Variants in MCOLN3 observed in about 807,000 individuals in gnomAD.
MCOLN3 encodes mucolipin TRP cation channel 3, also known as mucolipin-3.
Under a neutral mutation model 69.4 loss-of-function variants are expected in MCOLN3, and 62 were observed. That is an observed-to-expected ratio of 0.89 (90% CI 0.73 to 1.10). MCOLN3 has a LOEUF of 1.10. Among genes scored for constraint, MCOLN3 ranks in the 50% least tolerant of loss-of-function variants. The pLI, the probability that MCOLN3 is intolerant of heterozygous loss-of-function variation, is 0.00. For synonymous variants in MCOLN3, 183 were observed against 217.0 expected, an observed-to-expected ratio of 0.84 and a Z score of 1.38; for missense variants, 564 against 656.4, an observed-to-expected ratio of 0.86 and a Z score of 1.54.
At position 85,021,065 on chromosome 1, in the gene MCOLN3, C is replaced by A. The variant is rs775451775; in HGVS notation, c.1527+5G>T. 1.3e-5 allele frequency: 21 copies of A among 1,599,978 alleles called. No homozygotes were observed. In the South Asian group the frequency reaches 2.2e-4, roughly 17 times the overall value. ...GCTACTACTTATGGCTCTTGATAAA[C>A]CTACCTTAATTGTTTCGTATGTATC... On this transcript the variant is annotated splice_donor_5th_base_variant and intron_variant, in intron 12 of 12. Transcript: ENST00000370589.
chr1:85,038,917 C>T (rs184076226), intron 3 of MCOLN3, among the ~76,000 whole-genome samples: 8 of 152,120 alleles, frequency 5.3e-5, no homozygotes, highest in East Asian at 1.9e-4. Flanking sequence ...ATTGCTTGAG[C>T]GCAGGAGGCA....
At position 85,045,680 on chromosome 1, in the gene MCOLN3, T is replaced by TA. The variant is rs1653315250; in HGVS notation, c.-2-319dup. Among the ~76,000 whole-genome samples, 3 of 152,160 alleles carry TA rather than the reference T, an allele frequency of 2.0e-5. No homozygotes were observed. The South Asian group carries it at 6.2e-4, about 32-fold the overall frequency. ...TGTTTTCTGCCTCACTCAGTATAGT[T>TA]AGAGGATCAGAGACCTGAGGACCTG... On this transcript the variant is annotated intron_variant, in intron 1 of 12. Coordinates refer to ENST00000370589, the MANE Select transcript of MCOLN3 (RefSeq NM_018298.11).
chr1:85,019,541 A>C (rs1378432122), intron 12 of MCOLN3, among the ~76,000 whole-genome samples: 2 of 152,158 alleles, frequency 1.3e-5, no homozygotes, highest in African/African-American at 4.8e-5. Flanking sequence ...TCCAGGGAGA[A>C]TTGAGCTAGC....
Position 85,019,165 on chromosome 1 carries a change from T to G in MCOLN3, c.1620A>C (p.Glu540Asp), listed in dbSNP as rs781690814. ...AGAATAAAGATACTGGAGGGTCATC[T>G]TCTAATCTGTATTTTCCAGAGTTGG... ...DLPNSGKYRL[E>D]DDPPVSLFCC... Residue 540 changes from glutamate (E) to aspartate (D), a missense_variant, in exon 13 of 13, where the codon GAA becomes GAC. Glu to Asp is a conservative substitution (Grantham distance 45). Transcript: ENST00000370589. 21 of 1,613,686 alleles carry G rather than the reference T, an allele frequency of 1.3e-5. No homozygotes were observed. The highest frequency in any genetic ancestry group is 1.7e-5 in the Non-Finnish European group (20 of 1,179,742).
intron 3 of MCOLN3, among the ~76,000 whole-genome samples, chr1:85,035,328 C>G (rs538975452): frequency 5.3e-4 from 80 of 152,312 alleles, no homozygotes; most frequent in Non-Finnish European, 1.0e-3. Flanking sequence ...TCCCATATTT[C>G]AAATACCACC....
intron 2 of MCOLN3, among the ~76,000 whole-genome samples, chr1:85,044,833 G>A (rs771166909): frequency 6.6e-6 from 1 of 152,146 alleles, no homozygotes; most frequent in African/African-American, 2.4e-5. Flanking sequence ...GGCTTATTTA[G>A]AAACCAGCTG....
In MCOLN3 at chr1:85,021,197, AT is replaced by A. The variant is rs774655852; in HGVS notation, c.1399del (p.Met467CysfsTer7). 2.5e-6 allele frequency: 4 copies of A among 1,613,910 alleles called. 1 individual carries two copies. ...GDDMFATFAK[M>X]QQKSYLVWLF... is the part of the protein sequence containing the mutation. The stretch of plus-strand genomic sequence containing the variant: ...CCAGACTAAGTAACTTTTTTGCTGC[AT>A]TTTTGCAAACGTGGCAAACATATCA... On this transcript the variant is annotated frameshift_variant, in exon 12 of 13. Transcript: ENST00000370589. LOFTEE classifies it high-confidence loss of function.
At chr1:85,020,998 A>C (rs1651897692) in intron 12 of MCOLN3, 72 bp downstream of exon 12, 1 of 1,085,614 alleles carries the variant, frequency 9.2e-7, no homozygotes, top group Non-Finnish European at 1.3e-6. Context: ...TTCTACCATT[A>C]GGTACTGAAT....
At chr1:85,019,459 GCCTA>G (rs1651816547) in intron 12 of MCOLN3, among the ~76,000 whole-genome samples, 1 of 152,146 alleles carries the variant, frequency 6.6e-6, no homozygotes, top group South Asian at 2.1e-4. Flanking sequence ...TTCTGCAGCT[GCCTA>G]CCTGAGCTCT....
In MCOLN3 at chr1:85,022,105, A is replaced by C. The variant is rs1396020580; in HGVS notation, c.1285T>G (p.Cys429Gly). 1 of 1,614,196 alleles carries C rather than the reference A, an allele frequency of 6.2e-7. No homozygotes were observed. Among genetic ancestry groups the C allele is most frequent in the East Asian group, 2.2e-5 (1 of 44,890 alleles). The change falls in exon 11 of 13, where the codon TGT (cysteine) becomes GGT (glycine). Residue 429 changes from cysteine (C) to glycine (G), a missense_variant. Cys to Gly is a radical substitution (Grantham distance 159). Transcript: ENST00000370589. ...AAMIYLGYCF[C>G]GWIVLGPYHD... ...TAAGGCCCCAGCACGATCCATCCAC[A>C]GAAGCAGTAACCTAAGTAAATCATA... is the stretch of plus-strand genomic sequence containing the variant.
Position 85,022,398 on chromosome 1 carries a change from A to G in MCOLN3, c.1098T>C (p.Ser366=). The change falls in exon 10 of 13, where the codon AGT becomes AGC. Residue 366 remains serine (S), a splice_region_variant and synonymous_variant. Coordinates refer to ENST00000370589, the MANE Select transcript of MCOLN3 (RefSeq NM_018298.11). ...TGCTACAGACATCATAACTAGTTAGACTCTAAGAGAGAGTGGAAAAATATA... is the reference window on the plus strand; with the variant it reads ...TGCTACAGACATCATAACTAGTTAGGCTCTAAGAGAGAGTGGAAAAATATA... ...SILKMEIQAK[S]LTSYDVCSIL... The G allele has an allele frequency of 5.0e-6, 8 of 1,585,000 alleles. No homozygotes were observed. Among genetic ancestry groups the G allele is most frequent in the Non-Finnish European group, 6.9e-6 (8 of 1,158,404 alleles).
intron 7 of MCOLN3, 105 bp downstream of exon 7, chr1:85,029,001 T>C: frequency 1.4e-6 from 1 of 715,370 alleles, no homozygotes; most frequent in Non-Finnish European, 2.4e-6. Context: ...TTGAAAATGG[T>C]CTAATCTTCT....
At chr1:85,042,006 C>T (rs1653094998) in intron 2 of MCOLN3, among the ~76,000 whole-genome samples, 1 of 151,962 alleles carries the variant, frequency 6.6e-6, no homozygotes, top group Admixed American at 6.6e-5. Flanking sequence ...CACACACACA[C>T]ACACCACATG....
At position 85,019,099 on chromosome 1, in the gene MCOLN3, CTA is replaced by C. The variant is rs1032069438; in HGVS notation, c.*22_*23del. ...ACTCAGCTACACATTATATTTTCCTCTAAAGTACAGATAAACCTGATAGCTAC... is the reference window on the plus strand; with the variant it reads ...ACTCAGCTACACATTATATTTTCCTCAAGTACAGATAAACCTGATAGCTAC... On this transcript the variant is annotated 3_prime_UTR_variant, in exon 13 of 13. Coordinates refer to ENST00000370589, the MANE Select transcript of MCOLN3 (RefSeq NM_018298.11). 1.9e-6 allele frequency: 3 copies of C among 1,608,132 alleles called. No homozygotes were observed. In the African/African-American group the frequency reaches 4.0e-5, roughly 22 times the overall value.
intron 6 of MCOLN3, 24 bp downstream of exon 6, chr1:85,032,672 A>G: frequency 6.4e-7 from 1 of 1,571,630 alleles, no homozygotes; most frequent in East Asian, 2.3e-5. Context: ...GACTGGAACC[A>G]AATTCAGCCT....
At chr1:85,029,036 G>T in intron 7 of MCOLN3, 70 bp downstream of exon 7, 1 of 955,218 alleles carries the variant, frequency 1.0e-6, no homozygotes, top group Non-Finnish European at 1.7e-6. Context: ...ATATCCAGAG[G>T]GTGCTATTTT....
intron 7 of MCOLN3, 81 bp downstream of exon 7, chr1:85,029,025 G>T (rs1652366529): frequency 2.3e-6 from 2 of 863,282 alleles, no homozygotes; most frequent in African/African-American, 1.7e-5. Context: ...TGTTGTTCTA[G>T]ATATCCAGAG....
chr1:85,025,788 A>T lies in MCOLN3; in HGVS notation c.1095+151T>A, dbSNP rs1014558196. 7.6e-6 allele frequency: 6 copies of T among 789,190 alleles called. No individual in the cohort carries two copies. In the African/African-American group the frequency reaches 1.1e-4, roughly 14 times the overall value. The allele number at this position is 789,190 out of a possible 1,614,324, so 48.9% of individuals were successfully genotyped here. ...TCTGCCTAAGAGACCTCCTGACTAG[A>T]TTTAAGAAAATTACCATTACCAATT... On this transcript the variant is annotated intron_variant, in intron 9 of 12. Transcript: ENST00000370589.
intron 9 of MCOLN3, chr1:85,023,074 CTT>C (rs71582943): frequency 4.1e-5 from 4 of 97,158 alleles, no homozygotes; most frequent in Non-Finnish European, 6.2e-5. Flanking sequence ...GATTTTTATT[CTT>C]TTTTTTTTTT....
Sources: gnomAD v4.1 joint callset for allele counts (sites outside exome capture counted in the v4.1 genomes callset) on GRCh38, gnomAD v4.1.1 for gene constraint, MANE v1.5 for transcripts, NCBI Gene and HGNC (gene_info 2026-07-23, HGNC 2026-07-21) for gene names.